The following TTC28 variants were observed in gnomAD, a reference collection of about 807,000 sequenced individuals.
The protein encoded by TTC28 is tetratricopeptide repeat protein 28.
TTC28 carries 61 observed loss-of-function variants against 198.0 expected under a neutral mutation model. That is an observed-to-expected ratio of 0.31 (90% CI 0.25 to 0.38). The LOEUF (loss-of-function observed/expected upper bound fraction) is 0.38, where lower values mean the gene tolerates loss of function less well. Among genes scored for constraint, TTC28 ranks in the 10% least tolerant of loss-of-function variants. TTC28 has a pLI of 1.00. For synonymous variants in TTC28, 1,171 were observed against 1,297.8 expected, an observed-to-expected ratio of 0.90 and a Z score of 2.10; for missense variants, 2,678 against 3,164.0, an observed-to-expected ratio of 0.85 and a Z score of 3.69.
At chr22:28,405,509 G>T (rs565493734) in intron 2 of TTC28, among the ~76,000 whole-genome samples, 2 of 152,328 alleles carry the variant, frequency 1.3e-5, no homozygotes, top group East Asian at 3.9e-4. Context: ...AAGCACTCTT[G>T]AAGTACAGAG....
In TTC28 at chr22:28,649,422, C is replaced by T. The variant is rs1011748441; in HGVS notation, c.103-19592G>A. On this transcript the variant is annotated intron_variant, in intron 1 of 22. Coordinates refer to ENST00000397906, the MANE Select transcript of TTC28 (RefSeq NM_001145418.2). ...AAATAAATTAAAAATATAAAATGAT[C>T]CAGTTCCCAGTTTATAGTTTTTATA... 2.4e-4 allele frequency among the ~76,000 whole-genome samples: 37 copies of T among 151,984 alleles called. 1 individual carries two copies. Among genetic ancestry groups the T allele is most frequent in the Non-Finnish European group, 5.2e-4 (35 of 67,954 alleles).
At chr22:28,041,333 T>C (rs146640794) in intron 12 of TTC28, among the ~76,000 whole-genome samples, 92 of 152,318 alleles carry the variant, frequency 6.0e-4, no homozygotes, top group African/African-American at 2.2e-3. Context: ...CTTCAAACTA[T>C]ACTGCAAGGC....
intron 5 of TTC28, among the ~76,000 whole-genome samples, chr22:28,233,994 C>T (rs1929028794): frequency 6.6e-6 from 1 of 151,894 alleles, no homozygotes; most frequent in South Asian, 2.1e-4. Context: ...GCAATCTCCG[C>T]CTCCCGGGTT....
intron 2 of TTC28, 109 bp downstream of exon 2, chr22:28,629,443 A>T (rs1048145759): frequency 1.2e-5 from 14 of 1,143,838 alleles, no homozygotes; most frequent in Middle Eastern, 5.5e-4. Flanking sequence ...TGAAGTACAG[A>T]TTATTAAAAT....
chr22:28,543,890 T>A (rs2049475568), intron 2 of TTC28, among the ~76,000 whole-genome samples: 1 of 152,118 alleles, frequency 6.6e-6, no homozygotes, highest in South Asian at 2.1e-4. Context: ...AAAATAATAA[T>A]ACACCATGAC....
At chr22:28,055,278 A>T (rs138566688) in intron 12 of TTC28, among the ~76,000 whole-genome samples, 148 of 152,320 alleles carry the variant, frequency 9.7e-4, no homozygotes, top group Non-Finnish European at 1.9e-3. Context: ...GCACAGGGAT[A>T]CTCAAAGCTA....
intron 5 of TTC28, among the ~76,000 whole-genome samples, chr22:28,211,107 T>C (rs1312318870): frequency 6.6e-6 from 1 of 152,118 alleles, no homozygotes; most frequent in Non-Finnish European, 1.5e-5. Flanking sequence ...CCACCAGGCC[T>C]GCCCTAAAAG....
At chr22:28,022,343 G>A (rs1013879356) in intron 13 of TTC28, among the ~76,000 whole-genome samples, 7 of 152,210 alleles carry the variant, frequency 4.6e-5, no homozygotes, top group Admixed American at 2.0e-4. Flanking sequence ...CATTCAAGGT[G>A]TGGCTGCCAT....
chr22:28,440,377 CTTGT>C (rs2047600118), intron 2 of TTC28, among the ~76,000 whole-genome samples: 1 of 152,018 alleles, frequency 6.6e-6, no homozygotes, highest in East Asian at 1.9e-4. Flanking sequence ...CTTTAAAAAG[CTTGT>C]TTTAGTATTT....
chr22:28,124,587 G>A (rs190895392), intron 6 of TTC28, among the ~76,000 whole-genome samples: 2 of 152,154 alleles, frequency 1.3e-5, no homozygotes, highest in Admixed American at 6.5e-5. Flanking sequence ...ATCTAGAAAG[G>A]GCAAGCCCAG....
intron 2 of TTC28, among the ~76,000 whole-genome samples, chr22:28,607,376 T>C (rs918014782): frequency 2.6e-5 from 4 of 152,180 alleles, no homozygotes; most frequent in Non-Finnish European, 5.9e-5. Context: ...CTCCCATAGT[T>C]AGAATATAAA....
chr22:28,369,513 A>G (rs938447869), intron 2 of TTC28, among the ~76,000 whole-genome samples: 2 of 152,224 alleles, frequency 1.3e-5, no homozygotes, highest in African/African-American at 4.8e-5. Context: ...GACTGGTGTT[A>G]AAATAGGAAG....
At chr22:28,087,996 C>T (rs1308988605) in intron 12 of TTC28, among the ~76,000 whole-genome samples, 1 of 152,146 alleles carries the variant, frequency 6.6e-6, no homozygotes, top group Non-Finnish European at 1.5e-5. Flanking sequence ...GAAACCACTG[C>T]TCAATGAAAT....
intron 2 of TTC28, among the ~76,000 whole-genome samples, chr22:28,472,552 ATGTGTGTGTGTGTGTGTGTGTG>A (rs3053555): frequency 8.7e-6 from 1 of 114,726 alleles, no homozygotes; most frequent in African/African-American, 2.8e-5. Context: ...GAAAATGTGT[ATGTGTGTGTGTGTGTGTGTGTG>A]TGTGTGTGTG....
At chr22:28,460,832 C>T (rs948213565) in intron 2 of TTC28, among the ~76,000 whole-genome samples, 1 of 152,006 alleles carries the variant, frequency 6.6e-6, no homozygotes, top group Non-Finnish European at 1.5e-5. Context: ...CACAGGTGTG[C>T]ATCACCACAC....
rs540047337 is a variant in TTC28, at chr22:28,114,088, T to A, written c.1442-5685A>T. Reference sequence around the variant, plus strand: ...AGACTGAAAACTACACAGCACTTTGTCCTGTTGCCTTGATTTCATTTCTAA... The same window carrying A: ...AGACTGAAAACTACACAGCACTTTGACCTGTTGCCTTGATTTCATTTCTAA... On this transcript the variant is annotated intron_variant, in intron 6 of 22. Transcript: ENST00000397906. 9.3e-4 allele frequency among the ~76,000 whole-genome samples: 142 copies of A among 152,318 alleles called. 1 individual carries two copies. The highest frequency in any genetic ancestry group is 3.2e-3 in the African/African-American group (135 of 41,556).
intron 5 of TTC28, among the ~76,000 whole-genome samples, chr22:28,201,863 T>G (rs916526933): frequency 6.6e-6 from 1 of 151,712 alleles, no homozygotes; most frequent in Non-Finnish European, 1.5e-5. Flanking sequence ...ACAGGGGTGA[T>G]GGCCCTGGGA....
intron 3 of TTC28, among the ~76,000 whole-genome samples, chr22:28,300,570 A>T (rs1324518567): frequency 6.6e-6 from 1 of 152,252 alleles, no homozygotes; most frequent in South Asian, 2.1e-4. Context: ...ACTTCAAAAG[A>T]TAAATTATAA....
At chr22:28,302,694 G>A (rs979133609) in intron 3 of TTC28, among the ~76,000 whole-genome samples, 16 of 151,990 alleles carry the variant, frequency 1.1e-4, no homozygotes, top group African/African-American at 2.2e-4. Context: ...TTTTTAAGAC[G>A]GAGTCTCACT....
Sources: gnomAD v4.1 joint callset for allele counts (sites outside exome capture counted in the v4.1 genomes callset) on GRCh38, gnomAD v4.1.1 for gene constraint, MANE v1.5 for transcripts, NCBI Gene and HGNC (gene_info 2026-07-23, HGNC 2026-07-21) for gene names.